The following RANBP10 variants were observed in gnomAD, a reference collection of about 807,000 sequenced individuals.
RANBP10 encodes the protein RAN binding protein 10, also known as ran-binding protein 10.
Under a neutral mutation model 72.8 loss-of-function variants are expected in RANBP10, and 24 were observed. That is an observed-to-expected ratio of 0.33 (90% confidence interval 0.24 to 0.46). RANBP10 has a LOEUF of 0.46. Among genes scored for constraint, RANBP10 ranks in the 20% least tolerant of loss-of-function variants. The pLI, the probability that RANBP10 is intolerant of heterozygous loss-of-function variation, is 1.00. For missense variants in RANBP10, 679 were observed against 817.5 expected (o/e 0.83, Z 2.07); for synonymous variants, 310 against 322.3 (o/e 0.96, Z 0.41).
Position 67,729,798 on chromosome 16 carries a change from C to A in RANBP10, c.1029G>T (p.Gly343=), listed in dbSNP as rs61743482. Residue 343 remains glycine, a synonymous_variant, in exon 9 of 14, where the codon GGG becomes GGT. Coordinates refer to ENST00000317506, the MANE Select transcript of RANBP10 (RefSeq NM_020850.3). This position sits in a 1 kb window ranked among gnomAD's most constrained non-coding sequence, Gnocchi z 7.1. ...KCRQFVEMVN[G]TDSEVRSLSS... ...TCAAACTTCGGACCTCACTGTCCGT[C>A]CCATTCACCATCTCCACAAACTGCC... The A allele has an allele frequency of 1.7e-3, 2,736 of 1,614,062 alleles. 5 individuals carry two copies. The highest frequency in any genetic ancestry group is 2.2e-3 in the Non-Finnish European group (2,561 of 1,179,982).
intron 5 of RANBP10, among the ~76,000 whole-genome samples, chr16:67,736,239 G>C (rs375751443): frequency 1.3e-5 from 2 of 151,860 alleles, no homozygotes; most frequent in African/African-American, 4.8e-5. Context: ...TCAGCTCACC[G>C]CAACTTCTAC....
intron 7 of RANBP10, chr16:67,731,136 C>A: frequency 3.4e-6 from 1 of 293,644 alleles, no homozygotes; most frequent in East Asian, 1.0e-4. Flanking sequence ...CCTGGAAGAC[C>A]ATGAACAGGA....
At chr16:67,785,838 A>G (rs777064913) in intron 2 of RANBP10, among the ~76,000 whole-genome samples, 5 of 151,632 alleles carry the variant, frequency 3.3e-5, no homozygotes, top group Non-Finnish European at 5.9e-5. Flanking sequence ...CATCCTGGCT[A>G]AAACGGTGAA....
rs976346337 is a variant in RANBP10, at chr16:67,726,211, C to T, written c.*217G>A. On this transcript the variant is annotated 3_prime_UTR_variant, in exon 14 of 14. Transcript: ENST00000317506. ...AGAGTAACCAGCCAATACTGTGTTA[C>T]AGGCCGCTGCACGTGAAGGGGAGAG... 1 of 582,718 alleles carries T rather than the reference C, an allele frequency of 1.7e-6. No homozygotes were observed. The highest frequency in any genetic ancestry group is 3.1e-5 in the Admixed American group (1 of 31,900). The allele number at this position is 582,718 out of a possible 1,614,324, so 36.1% of individuals were successfully genotyped here.
chr16:67,748,104 C>T (rs1266614348), intron 3 of RANBP10, among the ~76,000 whole-genome samples: 4 of 151,812 alleles, frequency 2.6e-5, no homozygotes, highest in East Asian at 1.9e-4. Context: ...GGATTACAGG[C>T]GTGAGCCACT....
At chr16:67,731,730 C>A in intron 6 of RANBP10, 146 bp from the exon 7 acceptor site, 2 of 618,990 alleles carry the variant, frequency 3.2e-6, no homozygotes, top group Non-Finnish European at 5.5e-6. Flanking sequence ...AATAAAGGGG[C>A]TGAAACAAAA....
chr16:67,745,043 G>C (rs1015388238), intron 3 of RANBP10, among the ~76,000 whole-genome samples: 2 of 151,920 alleles, frequency 1.3e-5, no homozygotes, highest in African/African-American at 2.4e-5. Flanking sequence ...TGTTAGCCAG[G>C]ATGGTCTCAA....
intron 2 of RANBP10, among the ~76,000 whole-genome samples, chr16:67,803,859 A>G (rs942478600): frequency 1.5e-4 from 22 of 147,086 alleles, no homozygotes; most frequent in African/African-American, 5.5e-4. Flanking sequence ...AAAGAGAGAG[A>G]GAGAGAAAGA....
chr16:67,798,703 G>GA (rs2055177003), intron 2 of RANBP10, among the ~76,000 whole-genome samples: 1 of 152,064 alleles, frequency 6.6e-6, no homozygotes. Flanking sequence ...ACAGCCAAGA[G>GA]AAAAAAAGAC....
At chr16:67,744,047 C>A (rs1027032338) in intron 4 of RANBP10, 4 of 970,304 alleles carry the variant, frequency 4.1e-6, no homozygotes, top group Non-Finnish European at 4.9e-6. Context: ...AAGATCACGA[C>A]CAGGATACTG....
chr16:67,780,663 C>T (rs1171132364), intron 2 of RANBP10, among the ~76,000 whole-genome samples: 1 of 152,156 alleles, frequency 6.6e-6, no homozygotes, highest in Non-Finnish European at 1.5e-5. Context: ...TGGACACTTC[C>T]AGAGTCATTC....
chr16:67,748,193 G>A (rs550526180), intron 3 of RANBP10, among the ~76,000 whole-genome samples: 6 of 151,900 alleles, frequency 3.9e-5, no homozygotes, highest in African/African-American at 1.2e-4. Context: ...TGACTCTCTA[G>A]ATCAATTTGG....
In RANBP10 at chr16:67,728,447, G is replaced by A. The variant is rs146349352; in HGVS notation, c.1417C>T (p.Arg473Cys). 6.2e-6 allele frequency: 10 copies of A among 1,614,050 alleles called. No individual in the cohort carries two copies. Among genetic ancestry groups the A allele is most frequent in the African/African-American group, 4.0e-5 (3 of 74,914 alleles). ...PNGVLGSMST[R>C]IVNGAYKHED... Reference sequence around the variant, plus strand: ...TGCTTGTAGGCACCATTAACAATGCGTGTGGACATGCTTCCTAGCACACCG... The same window carrying A: ...TGCTTGTAGGCACCATTAACAATGCATGTGGACATGCTTCCTAGCACACCG... Residue 473 changes from arginine (R) to cysteine (C), a missense_variant, in exon 11 of 14, where the codon CGC becomes TGC. By Grantham distance (180) the Arg-to-Cys change is radical. Coordinates refer to ENST00000317506, the MANE Select transcript of RANBP10 (RefSeq NM_020850.3).
rs972333404 is a variant in RANBP10 at position 67,791,016 on chromosome 16, C to A, written c.347+14412G>T. Among the ~76,000 whole-genome samples, 12 of 119,520 alleles carry A rather than the reference C, an allele frequency of 1.0e-4. No individual in the cohort carries two copies. In the East Asian group the frequency reaches 1.2e-3, roughly 12 times the overall value. The allele number at this position is 119,520 out of a possible 152,430, so 78.4% of individuals were successfully genotyped here. A position where few individuals can be genotyped will look rare whatever the true frequency, so the allele number is the denominator to read the frequency against. On this transcript the variant is annotated intron_variant, in intron 2 of 13. Coordinates refer to ENST00000317506, the MANE Select transcript of RANBP10 (RefSeq NM_020850.3). ...CCTGGCCAGTTTTACCAATTTATTT[C>A]TTTTTTTTTTTTTTTGAGACAGAGT...
intron 2 of RANBP10, among the ~76,000 whole-genome samples, chr16:67,786,853 G>C (rs1429098340): frequency 6.6e-6 from 1 of 151,998 alleles, no homozygotes; most frequent in Non-Finnish European, 1.5e-5. Context: ...CTTGAACCAG[G>C]GAGGTGGTGG....
In RANBP10 at chr16:67,803,864, G is replaced by A. The variant is rs112586067; in HGVS notation, c.347+1564C>T. ...AAAAAAAAAAAAAGAGAGAGAGAGAGAAAGATACAGCAGCTTCCCATGATC... is the reference window on the plus strand; with the variant it reads ...AAAAAAAAAAAAAGAGAGAGAGAGAAAAAGATACAGCAGCTTCCCATGATC... On this transcript the variant is annotated intron_variant, in intron 2 of 13. Coordinates refer to ENST00000317506, the MANE Select transcript of RANBP10 (RefSeq NM_020850.3). 9.5e-3 allele frequency among the ~76,000 whole-genome samples: 1,407 copies of A among 147,764 alleles called. 21 individuals carry two copies. Among genetic ancestry groups the A allele is most frequent in the African/African-American group, 0.033 (1,314 of 40,170 alleles).
chr16:67,744,466 A>C lies in RANBP10; in HGVS notation c.401-11T>G. On this transcript the variant is annotated splice_polypyrimidine_tract_variant and intron_variant, in intron 3 of 13. Transcript: ENST00000317506. The stretch of plus-strand genomic sequence containing the variant: ...AATGTTTGTCCCAACCTGTGGGGGA[A>C]GAGAGCAGCAATAACTGAGTAGGTA... The C allele has an allele frequency of 6.2e-7, 1 of 1,608,968 alleles. No homozygotes were observed. The highest frequency in any genetic ancestry group is 8.5e-7 in the Non-Finnish European group (1 of 1,176,710).
Position 67,726,500 on chromosome 16 carries a change from C to G in RANBP10, c.1791G>C (p.Glu597Asp). ...CTGCTCGGGCCATGAGCCGGAGACA[C>G]TCAGATGCCTGGCCCAGGGCGAGCA... ...PLMLALGQAS[E>D]CLRLMARAGL... Residue 597 changes from glutamate (E) to aspartate (D), a missense_variant, in exon 14 of 14, where the codon GAG becomes GAC. By Grantham distance (45) the Glu-to-Asp change is conservative. Transcript: ENST00000317506. 6.3e-7 allele frequency: 1 copy of G among 1,591,972 alleles called. No homozygotes were observed. The highest frequency in any genetic ancestry group is 8.6e-7 in the Non-Finnish European group (1 of 1,169,174).
intron 2 of RANBP10, among the ~76,000 whole-genome samples, chr16:67,804,829 C>T (rs138229250): frequency 6.7e-4 from 102 of 152,138 alleles, no homozygotes; most frequent in African/African-American, 2.2e-3. Flanking sequence ...GTGCCTGGCT[C>T]CTAATGCTGA....
Sources: gnomAD v4.1 joint callset for allele counts (sites outside exome capture counted in the v4.1 genomes callset) on GRCh38, gnomAD v4.1.1 for gene constraint, Gnocchi (gnomAD v3.1) non-coding constraint, MANE v1.5 for transcripts, NCBI Gene and HGNC (gene_info 2026-07-23, HGNC 2026-07-21) for gene names.